NAALADL2: variants seen among roughly 807,000 people sequenced by gnomAD.
The protein encoded by NAALADL2 is N-acetylated alpha-linked acidic dipeptidase like 2.
A neutral mutation model predicts 87.2 loss-of-function variants in NAALADL2; 76 were observed. The ratio of observed to expected loss-of-function variants is 0.87; its 90% CI spans 0.72 to 1.05. The LOEUF (loss-of-function observed/expected upper bound fraction) is 1.05, where lower values mean the gene tolerates loss of function less well. Among genes scored for constraint, NAALADL2 ranks in the 50% least tolerant of loss-of-function variants. NAALADL2 has a pLI of 0.00. For missense variants in NAALADL2, 1,089 were observed against 945.8 expected (o/e 1.15, Z -1.99); for synonymous variants, 354 against 331.0 (o/e 1.07, Z -0.75).
intron 5 of NAALADL2, among the ~76,000 whole-genome samples, chr3:175,350,401 T>C (rs1224699898): frequency 6.6e-6 from 1 of 152,098 alleles, no homozygotes; most frequent in Non-Finnish European, 1.5e-5. Context: ...AGAGAAAGGT[T>C]TTTCTTCCGT....
At chr3:174,826,994 TGAATAA>T (rs1191629546) in intron 3 of NAALADL2, among the ~76,000 whole-genome samples, 3 of 152,228 alleles carry the variant, frequency 2.0e-5, no homozygotes, top group Admixed American at 2.0e-4. Flanking sequence ...ACTAGCAGAT[TGAATAA>T]GAATCATTCA....
At chr3:175,156,183 A>C (rs1014562045) in intron 2 of NAALADL2, among the ~76,000 whole-genome samples, 5 of 152,138 alleles carry the variant, frequency 3.3e-5, no homozygotes, top group African/African-American at 1.2e-4. Flanking sequence ...GGGAGGAACA[A>C]ATACTTATTC....
At chr3:174,890,412 A>T (rs2109786715) in intron 1 of NAALADL2, among the ~76,000 whole-genome samples, 1 of 152,320 alleles carries the variant, frequency 6.6e-6, no homozygotes, top group African/African-American at 2.4e-5. Context: ...AAAGACATGT[A>T]AATAATAGTA....
At chr3:174,765,965 A>G (rs1713757841) in intron 3 of NAALADL2, among the ~76,000 whole-genome samples, 4 of 152,160 alleles carry the variant, frequency 2.6e-5, no homozygotes. Flanking sequence ...AACCCTTGGA[A>G]ACAGCAACCT....
chr3:174,658,644 T>C (rs1186385647), intron 2 of NAALADL2, among the ~76,000 whole-genome samples: 1 of 152,192 alleles, frequency 6.6e-6, no homozygotes, highest in East Asian at 1.9e-4. Flanking sequence ...AATTTTACCT[T>C]AACATTTATT....
chr3:174,882,536 C>CATACACACATATGTACATATGTGT (rs1491501009), intron 1 of NAALADL2, among the ~76,000 whole-genome samples: 5 of 142,974 alleles, frequency 3.5e-5, no homozygotes, highest in Non-Finnish European at 7.5e-5. Flanking sequence ...CACATATATG[C>CATACACACATATGTACATATGTGT]ATACACACAT....
chr3:174,479,615 C>T (rs921664512), intron 1 of NAALADL2, among the ~76,000 whole-genome samples: 4 of 152,092 alleles, frequency 2.6e-5, no homozygotes, highest in African/African-American at 4.8e-5. Flanking sequence ...ATTAAGTCTA[C>T]TGACTAGTAT....
In NAALADL2 at chr3:175,207,110, A is replaced by G. The variant is rs146181840; in HGVS notation, c.546-26821A>G. ...GTTGAATGATAGATGTTATAAATGC[A>G]TTAGAGTATATAGAGTGTATAGAAC... On this transcript the variant is annotated intron_variant, in intron 2 of 13. Coordinates refer to ENST00000454872, the MANE Select transcript of NAALADL2 (RefSeq NM_207015.3). 5.0e-3 allele frequency among the ~76,000 whole-genome samples: 759 copies of G among 152,296 alleles called. 10 individuals are homozygous for G. The highest frequency in any genetic ancestry group is 0.017 in the African/African-American group (697 of 41,568).
At chr3:174,766,034 T>C (rs1287866836) in intron 3 of NAALADL2, among the ~76,000 whole-genome samples, 1 of 152,224 alleles carries the variant, frequency 6.6e-6, no homozygotes, top group Non-Finnish European at 1.5e-5. Flanking sequence ...TCAATAGTTT[T>C]AAAGATTTGG....
At chr3:174,713,720 A>G (rs1340559560) in intron 2 of NAALADL2, among the ~76,000 whole-genome samples, 1 of 151,456 alleles carries the variant, frequency 6.6e-6, no homozygotes, top group Non-Finnish European at 1.5e-5. Flanking sequence ...AGATGAGTAG[A>G]TTGCAAAAAT....
chr3:175,669,912 A>G (rs1733706458), intron 11 of NAALADL2, among the ~76,000 whole-genome samples: 1 of 152,022 alleles, frequency 6.6e-6, no homozygotes, highest in African/African-American at 2.4e-5. Flanking sequence ...TAGACACTTC[A>G]TTTGAATGAT....
intron 10 of NAALADL2, among the ~76,000 whole-genome samples, chr3:175,586,593 A>G (rs1720571833): frequency 6.6e-6 from 1 of 152,236 alleles, no homozygotes; most frequent in South Asian, 2.1e-4. Flanking sequence ...AATTCTAAAT[A>G]GTGCAATGTT....
At chr3:175,392,014 C>T (rs1468328871) in intron 5 of NAALADL2, among the ~76,000 whole-genome samples, 1 of 152,116 alleles carries the variant, frequency 6.6e-6, no homozygotes. Context: ...CTCCATTTTA[C>T]GAATGAAGAA....
intron 3 of NAALADL2, among the ~76,000 whole-genome samples, chr3:174,806,347 G>A (rs1657607996): frequency 6.6e-6 from 1 of 152,190 alleles, no homozygotes; most frequent in Admixed American, 6.5e-5. Flanking sequence ...GTTGTCCTCA[G>A]TTGGGCCAAG....
intron 6 of NAALADL2, among the ~76,000 whole-genome samples, chr3:175,457,062 G>C (rs781071141): frequency 2.0e-5 from 3 of 151,928 alleles, no homozygotes; most frequent in Non-Finnish European, 4.4e-5. Flanking sequence ...TTTATGAGCT[G>C]GTGCATGATA....
At chr3:175,625,984 T>A (rs568624699) in intron 10 of NAALADL2, among the ~76,000 whole-genome samples, 2 of 152,154 alleles carry the variant, frequency 1.3e-5, no homozygotes, top group South Asian at 4.1e-4. Context: ...TGTGACAAAA[T>A]GTTTTAAATT....
chr3:175,197,896 C>T (rs374961617), intron 2 of NAALADL2, among the ~76,000 whole-genome samples: 15 of 152,106 alleles, frequency 9.9e-5, no homozygotes, highest in African/African-American at 3.1e-4. Context: ...TGCTGGTGAA[C>T]CCTGCAACAC....
At chr3:174,551,984 T>C (rs1712181473) in intron 2 of NAALADL2, among the ~76,000 whole-genome samples, 1 of 152,204 alleles carries the variant, frequency 6.6e-6, no homozygotes, top group African/African-American at 2.4e-5. Context: ...AGCTTCAGTT[T>C]TTTTCTATGT....
chr3:175,214,682 C>A (rs1742248722), intron 2 of NAALADL2, among the ~76,000 whole-genome samples: 1 of 152,044 alleles, frequency 6.6e-6, no homozygotes, highest in Non-Finnish European at 1.5e-5. Context: ...GTAGTAAAGG[C>A]ATTATGAATG....
Sources: gnomAD v4.1 joint callset for allele counts (sites outside exome capture counted in the v4.1 genomes callset) on GRCh38, gnomAD v4.1.1 for gene constraint, MANE v1.5 for transcripts, NCBI Gene and HGNC (gene_info 2026-07-23, HGNC 2026-07-21) for gene names.